Variants in STAT5B observed in about 807,000 individuals in gnomAD.
STAT5B encodes transcription factor STAT5B.
STAT5B carries 21 observed loss-of-function variants against 107.8 expected under a neutral mutation model. The ratio of observed to expected loss-of-function variants is 0.19; its 90% CI spans 0.14 to 0.28. The LOEUF (loss-of-function observed/expected upper bound fraction) is 0.28, where lower values mean the gene tolerates loss of function less well. Ranked by LOEUF, STAT5B falls within the 10% of genes least tolerant of loss-of-function variation. STAT5B has a pLI of 1.00. For missense variants in STAT5B, 565 were observed against 1,008.2 expected, an observed-to-expected ratio of 0.56 and a Z score of 5.95; for synonymous variants, 325 against 401.7, an observed-to-expected ratio of 0.81 and a Z score of 2.28.
At chr17:42,241,943 A>T (rs867134036) in intron 1 of STAT5B, among the ~76,000 whole-genome samples, 7 of 152,106 alleles carry the variant, frequency 4.6e-5, no homozygotes, top group South Asian at 2.1e-4. Context: ...TTCTCTTTTT[A>T]AAAAATCACA....
intron 3 of STAT5B, 33 bp downstream of exon 3, chr17:42,227,496 G>A (rs1042642851): frequency 1.1e-5 from 17 of 1,612,306 alleles, no homozygotes; most frequent in East Asian, 8.9e-5. Context: ...CCAAGGGAAG[G>A]TAATTAAGTG....
At chr17:42,230,853 G>T (rs925927068) in intron 2 of STAT5B, among the ~76,000 whole-genome samples, 1 of 151,962 alleles carries the variant, frequency 6.6e-6, no homozygotes, top group Non-Finnish European at 1.5e-5. Flanking sequence ...GTAGAGATGG[G>T]ATTTTGCCAT....
intron 1 of STAT5B, among the ~76,000 whole-genome samples, chr17:42,274,132 G>A (rs2080743748): frequency 6.6e-6 from 1 of 151,976 alleles, no homozygotes; most frequent in Non-Finnish European, 1.5e-5. Flanking sequence ...TACAAGCACC[G>A]AAAAGGTGAG....
chr17:42,224,977 A>C, intron 3 of STAT5B, 109 bp from the exon 4 acceptor site: 1 of 1,028,768 alleles, frequency 9.7e-7, no homozygotes, highest in South Asian at 1.3e-5. Context: ...CACAGGAGGC[A>C]CTGTTCCTCC....
At chr17:42,258,942 T>C (rs143861692) in intron 1 of STAT5B, among the ~76,000 whole-genome samples, 1 of 152,260 alleles carries the variant, frequency 6.6e-6, no homozygotes, top group African/African-American at 2.4e-5. Flanking sequence ...AAGGAAAAAT[T>C]TCATCTGTAA....
chr17:42,255,447 C>CA (rs1180946775), intron 1 of STAT5B, among the ~76,000 whole-genome samples: 1 of 152,198 alleles, frequency 6.6e-6, no homozygotes, highest in African/African-American at 2.4e-5. Context: ...GCACATGCAT[C>CA]ACTGGCCAGG....
the STAT5B span, among the ~76,000 whole-genome samples, chr17:42,286,575 G>T: frequency 1.3e-5 from 2 of 152,222 alleles, no homozygotes; most frequent in African/African-American, 4.8e-5. Context: ...GAGAAGTCTA[G>T]AGAGGTGGCT....
intron 12 of STAT5B, among the ~76,000 whole-genome samples, chr17:42,214,756 A>T (rs896622115): frequency 3.9e-5 from 6 of 152,040 alleles, no homozygotes; most frequent in African/African-American, 7.2e-5. Context: ...TACTAAAAAA[A>T]TTTTTTTCTT....
chr17:42,245,173 G>A (rs2080441010), intron 1 of STAT5B, among the ~76,000 whole-genome samples: 1 of 149,294 alleles, frequency 6.7e-6, no homozygotes, highest in African/African-American at 2.5e-5. Context: ...TGCCTCCCAG[G>A]TTCAAGCGAT....
At chr17:42,242,706 G>C (rs538571237) in intron 1 of STAT5B, among the ~76,000 whole-genome samples, 3 of 151,698 alleles carry the variant, frequency 2.0e-5, no homozygotes, top group Non-Finnish European at 4.4e-5. Flanking sequence ...GGTGGCTCAT[G>C]CCTGTAATCC....
chr17:42,279,525 C>T (rs1407029824), upstream of STAT5B, among the ~76,000 whole-genome samples: 3 of 152,074 alleles, frequency 2.0e-5, no homozygotes, highest in African/African-American at 7.2e-5. Context: ...CAGTGGCTCA[C>T]GCCTGTAATC....
At chr17:42,280,303 G>A (rs1334372042), upstream of STAT5B, among the ~76,000 whole-genome samples, 1 of 152,044 alleles carries the variant, frequency 6.6e-6, no homozygotes, top group African/African-American at 2.4e-5. Flanking sequence ...GTCCATGCAT[G>A]CCCCTGCTCC....
chr17:42,265,619 G>C (rs971607593), intron 1 of STAT5B, among the ~76,000 whole-genome samples: 1 of 151,976 alleles, frequency 6.6e-6, no homozygotes, highest in African/African-American at 2.4e-5. Context: ...CCAAAGTGCT[G>C]GGATTACAGG....
intron 1 of STAT5B, among the ~76,000 whole-genome samples, chr17:42,241,120 C>G (rs2080397925): frequency 6.6e-6 from 1 of 151,650 alleles, no homozygotes; most frequent in Non-Finnish European, 1.5e-5. Context: ...GGGCAGATCA[C>G]CTGAGGTTGG....
At chr17:42,222,346 A>G (rs1279003839) in intron 5 of STAT5B, among the ~76,000 whole-genome samples, 2 of 152,162 alleles carry the variant, frequency 1.3e-5, no homozygotes, top group African/African-American at 4.8e-5. Flanking sequence ...GGGGCTCCAC[A>G]GCCTCACCAC....
intron 15 of STAT5B, 85 bp downstream of exon 15, chr17:42,210,086 T>C (rs1396272641): frequency 3.0e-5 from 48 of 1,593,446 alleles, no homozygotes; most frequent in East Asian, 8.9e-5. Flanking sequence ...CCTCAACAAA[T>C]AGTAAGTACC....
intron 1 of STAT5B, among the ~76,000 whole-genome samples, chr17:42,233,030 T>C (rs368045854): frequency 3.3e-5 from 5 of 151,976 alleles, no homozygotes; most frequent in East Asian, 3.9e-4. Flanking sequence ...TCAGTAGAGA[T>C]GGGGTTTCAC....
chr17:42,233,503 T>TA (rs2144301722), intron 1 of STAT5B, among the ~76,000 whole-genome samples: 1 of 151,620 alleles, frequency 6.6e-6, no homozygotes, highest in South Asian at 2.1e-4. Flanking sequence ...TTTTTTTTTT[T>TA]AATTTGAGAC....
intron 11 of STAT5B, among the ~76,000 whole-genome samples, chr17:42,216,356 T>C (rs1344095403): frequency 2.6e-5 from 4 of 152,124 alleles, no homozygotes; most frequent in African/African-American, 4.8e-5. Flanking sequence ...CAAAGTTACA[T>C]GGAGAACAGG....
Sources: gnomAD v4.1 joint callset for allele counts (sites outside exome capture counted in the v4.1 genomes callset) on GRCh38, gnomAD v4.1.1 for gene constraint, MANE v1.5 for transcripts, NCBI Gene and HGNC (gene_info 2026-07-23, HGNC 2026-07-21) for gene names.